Variants in EXOC4 observed in about 807,000 individuals in gnomAD.
EXOC4 encodes SEC8-like 1.
In EXOC4, 71 loss-of-function variants were observed where a neutral mutation model predicts 107.2. That is an observed-to-expected ratio of 0.66 (90% CI 0.55 to 0.81). The LOEUF (loss-of-function observed/expected upper bound fraction) is 0.81, where lower values mean the gene tolerates loss of function less well. Ranked by LOEUF, EXOC4 falls within the 30% of genes least tolerant of loss-of-function variation. The pLI, the probability that EXOC4 is intolerant of heterozygous loss-of-function variation, is 0.00. For missense variants in EXOC4, 1,108 were observed against 1,189.6 expected (o/e 0.93, Z 1.01); for synonymous variants, 456 against 441.2 (o/e 1.03, Z -0.42).
intron 10 of EXOC4, among the ~76,000 whole-genome samples, chr7:133,699,352 A>C (rs144057772): frequency 3.3e-5 from 5 of 152,302 alleles, no homozygotes; most frequent in African/African-American, 1.2e-4. Context: ...ACCTAAAATA[A>C]GCAACAGAAA....
At chr7:133,701,016 A>G (rs2151086781) in intron 10 of EXOC4, among the ~76,000 whole-genome samples, 1 of 152,320 alleles carries the variant, frequency 6.6e-6, no homozygotes, top group South Asian at 2.1e-4. Context: ...ACCTGGTGTA[A>G]TAAATAGAAA....
At chr7:133,678,698 C>T (rs1011239654) in intron 10 of EXOC4, among the ~76,000 whole-genome samples, 7 of 151,990 alleles carry the variant, frequency 4.6e-5, no homozygotes, top group Admixed American at 2.0e-4. Context: ...GTATCCTCAA[C>T]CTCCTGGGCT....
chr7:133,850,424 A>G (rs1373902555), intron 11 of EXOC4, among the ~76,000 whole-genome samples: 2 of 145,210 alleles, frequency 1.4e-5, no homozygotes, highest in Admixed American at 6.7e-5. Flanking sequence ...AGTATTAAAT[A>G]AGTTTGTTTT....
At chr7:133,865,731 C>G (rs1798624416) in intron 11 of EXOC4, among the ~76,000 whole-genome samples, 1 of 152,082 alleles carries the variant, frequency 6.6e-6, no homozygotes, top group South Asian at 2.1e-4. Flanking sequence ...AGAGAGAGAG[C>G]AAAGAGGGAA....
rs978862990 is a variant in EXOC4, at chr7:134,036,754, C to G, written c.2688-27537C>G. Among the ~76,000 whole-genome samples, 17 of 152,178 alleles carry G rather than the reference C, an allele frequency of 1.1e-4. 1 individual carries two copies. Among genetic ancestry groups the G allele is most frequent in the Admixed American group, 1.1e-3 (17 of 15,266 alleles). On this transcript the variant is annotated intron_variant, in intron 17 of 17. Coordinates refer to ENST00000253861, the MANE Select transcript of EXOC4 (RefSeq NM_021807.4). ...CTGTAGAGACAGAAGGTTTCTGTGT[C>G]ACTTCTCAAAGTTTCCTTGTTTTGC...
chr7:133,911,483 G>T (rs375104137), intron 12 of EXOC4, among the ~76,000 whole-genome samples: 1 of 152,238 alleles, frequency 6.6e-6, no homozygotes, highest in Middle Eastern at 3.4e-3. Context: ...CATATTTATT[G>T]TTGAGGGCAG....
intron 10 of EXOC4, among the ~76,000 whole-genome samples, chr7:133,672,119 T>C (rs946972473): frequency 2.0e-5 from 3 of 152,012 alleles, no homozygotes; most frequent in Non-Finnish European, 4.4e-5. Context: ...AGGCCAGGCG[T>C]GGTGGCTCAC....
intron 11 of EXOC4, among the ~76,000 whole-genome samples, chr7:133,819,897 C>T (rs557805386): frequency 4.1e-4 from 62 of 152,252 alleles, no homozygotes; most frequent in African/African-American, 1.2e-3. Context: ...CATATGCTAC[C>T]AACAAAATGA....
chr7:133,260,724 A>G (rs1468741194), intron 1 of EXOC4, among the ~76,000 whole-genome samples: 1 of 152,162 alleles, frequency 6.6e-6, no homozygotes, highest in Non-Finnish European at 1.5e-5. Context: ...ACATCTTAAT[A>G]TTGAGTCTTC....
intron 10 of EXOC4, among the ~76,000 whole-genome samples, chr7:133,691,687 G>T (rs1455060156): frequency 6.6e-6 from 1 of 152,132 alleles, no homozygotes; most frequent in East Asian, 1.9e-4. Context: ...CCAGTAAGTG[G>T]CAGGTAGGAA....
intron 11 of EXOC4, among the ~76,000 whole-genome samples, chr7:133,861,363 A>G (rs1798529695): frequency 6.6e-6 from 1 of 152,176 alleles, no homozygotes; most frequent in African/African-American, 2.4e-5. Flanking sequence ...TGTGACATGC[A>G]ATTTATCTAC....
chr7:133,358,182 TCTCA>T (rs1286683889), intron 6 of EXOC4, among the ~76,000 whole-genome samples: 5 of 151,784 alleles, frequency 3.3e-5, no homozygotes, highest in African/African-American at 1.2e-4. Flanking sequence ...TGAAACTTCA[TCTCA>T]AACAAACAAA....
At chr7:133,754,752 T>C (rs1795863973) in intron 10 of EXOC4, among the ~76,000 whole-genome samples, 1 of 152,192 alleles carries the variant, frequency 6.6e-6, no homozygotes. Flanking sequence ...ACATATTTAG[T>C]TAATAATAAT....
intron 9 of EXOC4, among the ~76,000 whole-genome samples, chr7:133,522,914 T>A (rs1325296053): frequency 6.6e-6 from 1 of 152,194 alleles, no homozygotes; most frequent in Non-Finnish European, 1.5e-5. Context: ...GGTTTGTTTT[T>A]AACTCTTACC....
chr7:133,347,552 A>G (rs760252775), intron 5 of EXOC4, among the ~76,000 whole-genome samples: 128 of 152,252 alleles, frequency 8.4e-4, no homozygotes, highest in Non-Finnish European at 1.6e-3. Context: ...TGTAAACTAT[A>G]CTTAGTGGAA....
chr7:133,808,483 G>A (rs1797133582), intron 10 of EXOC4, among the ~76,000 whole-genome samples: 1 of 152,074 alleles, frequency 6.6e-6, no homozygotes, highest in Non-Finnish European at 1.5e-5. Context: ...TTCCTCTGAG[G>A]CTTCTTTCCT....
chr7:133,343,253 G>A (rs1795706703), intron 5 of EXOC4, among the ~76,000 whole-genome samples: 1 of 151,990 alleles, frequency 6.6e-6, no homozygotes, highest in Non-Finnish European at 1.5e-5. Context: ...CCTATGGTTG[G>A]GGCTTCCTGA....
At chr7:133,417,142 T>A (rs1797496099) in intron 7 of EXOC4, among the ~76,000 whole-genome samples, 1 of 152,126 alleles carries the variant, frequency 6.6e-6, no homozygotes, top group Non-Finnish European at 1.5e-5. Context: ...CAAGGAAAGA[T>A]TTGGTGGCGA....
chr7:134,079,668 C>G, the EXOC4 span, among the ~76,000 whole-genome samples: 1 of 152,190 alleles, frequency 6.6e-6, no homozygotes, highest in Non-Finnish European at 1.5e-5. Context: ...TATCCTGTCC[C>G]TCATTAATAA....
Sources: gnomAD v4.1 joint callset for allele counts (sites outside exome capture counted in the v4.1 genomes callset) on GRCh38, gnomAD v4.1.1 for gene constraint, MANE v1.5 for transcripts, NCBI Gene and HGNC (gene_info 2026-07-23, HGNC 2026-07-21) for gene names.